The following MSH3 variants were observed in gnomAD, a reference collection of about 807,000 sequenced individuals.
MSH3 encodes the protein mutS homolog 3, also known as DNA mismatch repair protein Msh3.
A neutral mutation model predicts 123.3 loss-of-function variants in MSH3; 106 were observed. That is an observed-to-expected ratio of 0.86 (90% CI 0.73 to 1.01). The LOEUF (loss-of-function observed/expected upper bound fraction) is 1.01, where lower values mean the gene tolerates loss of function less well. Ranked by LOEUF, MSH3 falls within the 50% of genes least tolerant of loss-of-function variation. MSH3 has a pLI of 0.00. For synonymous variants in MSH3, 515 were observed against 481.4 expected (o/e 1.07, Z -0.91); for missense variants, 1,459 against 1,347.6 (o/e 1.08, Z -1.29).
At chr5:80,844,796 T>C (rs1745691702) in intron 20 of MSH3, among the ~76,000 whole-genome samples, 1 of 152,150 alleles carries the variant, frequency 6.6e-6, no homozygotes, top group African/African-American at 2.4e-5. Context: ...ATGTGTGTTT[T>C]TGCACGTGAG....
chr5:80,670,151 A>G lies in MSH3; in HGVS notation c.634A>G (p.Asn212Asp), dbSNP rs756439715. ...QFGSSNTSHE[N>D]LQKTASKSAN... ...TGGATCATCAAATACAAGTCATGAA[A>G]ATTTACAGAAAACTGCTTCCAAATC... Residue 212 changes from asparagine (N) to aspartate (D), a missense_variant, in exon 4 of 24, where the codon AAT becomes GAT. Physicochemically the swap from Asn to Asp is conservative, Grantham distance 23 (BLOSUM62 1). Coordinates refer to ENST00000265081, the MANE Select transcript of MSH3 (RefSeq NM_002439.5). The G allele has an allele frequency of 3.1e-6, 5 of 1,614,148 alleles. No individual in the cohort carries two copies. The South Asian group carries it at 4.4e-5, about 14-fold the overall frequency.
At position 80,692,032 on chromosome 5, in the gene MSH3, G is replaced by GTA. The variant is rs1561444547; in HGVS notation, c.1340+12941_1340+12942dup. ...ATGTATATGTTTAGATAGATAAACA[G>GTA]TATGTTTAGATAGATAAACATGTAT... On this transcript the variant is annotated intron_variant, in intron 8 of 23. Coordinates refer to ENST00000265081, the MANE Select transcript of MSH3 (RefSeq NM_002439.5). Among the ~76,000 whole-genome samples, 28 of 44,826 alleles carry GTA rather than the reference G, an allele frequency of 6.2e-4. 1 individual carries two copies. The highest frequency in any genetic ancestry group is 1.3e-3 in the East Asian group (2 of 1,596). The allele number at this position is 44,826 out of a possible 152,430, so 29.4% of individuals were successfully genotyped here.
chr5:80,774,530 T>G (rs1368238273), intron 15 of MSH3, among the ~76,000 whole-genome samples: 3 of 152,142 alleles, frequency 2.0e-5, no homozygotes, highest in Non-Finnish European at 4.4e-5. Flanking sequence ...TGCAGCACTA[T>G]TCACAACAGC....
intron 8 of MSH3, among the ~76,000 whole-genome samples, chr5:80,685,181 A>G (rs940697668): frequency 2.0e-5 from 3 of 149,458 alleles, no homozygotes; most frequent in Non-Finnish European, 3.0e-5. Context: ...GCCTCGTAGA[A>G]TGAGTTTGGA....
At chr5:80,751,586 G>T (rs1743840719) in intron 12 of MSH3, among the ~76,000 whole-genome samples, 1 of 152,172 alleles carries the variant, frequency 6.6e-6, no homozygotes, top group Non-Finnish European at 1.5e-5. Context: ...GCTTGTAGAT[G>T]TAGCTCCTTG....
chr5:80,796,709 T>C (rs544616433), intron 19 of MSH3, among the ~76,000 whole-genome samples: 17 of 152,238 alleles, frequency 1.1e-4, no homozygotes, highest in Non-Finnish European at 1.6e-4. Flanking sequence ...ATTATAGTGC[T>C]TCTGAATAAG....
rs373630611 is a variant in MSH3, at chr5:80,775,788, A to G, written c.2318+30A>G. On this transcript the variant is annotated intron_variant, in intron 16 of 23. Coordinates refer to ENST00000265081, the MANE Select transcript of MSH3 (RefSeq NM_002439.5). ...GTTTAAAATAAATTTTTTTCTTACAATGCATTATGATGACATCTGTATATC... is the reference window on the plus strand; with the variant it reads ...GTTTAAAATAAATTTTTTTCTTACAGTGCATTATGATGACATCTGTATATC... The G allele has an allele frequency of 1.7e-4, 198 of 1,191,924 alleles. No individual in the cohort carries two copies. The African/African-American group carries it at 2.1e-3, about 13-fold the overall frequency. 73.8% of individuals were successfully genotyped at this position (1,191,924 alleles called of 1,614,324 possible). A position where few individuals can be genotyped will look rare whatever the true frequency, so the allele number is the denominator to read the frequency against.
At position 80,654,851 on chromosome 5, in the gene MSH3, G is replaced by T. The variant is rs756968089; in HGVS notation, c.124G>T (p.Gly42Cys). The change falls in exon 1 of 24, where the codon GGT becomes TGT. Residue 42 changes from glycine to cysteine, a missense_variant. Coordinates refer to ENST00000265081, the MANE Select transcript of MSH3 (RefSeq NM_002439.5). ...GSLKSTSSST[G>C]AADQVDPGAA... ...CCTGAAATCCACCTCCTCCTCCACA[G>T]GTGCAGCCGACCAGGTGGACCCTGG... The T allele has an allele frequency of 1.9e-6, 3 of 1,605,288 alleles. No individual in the cohort carries two copies. In the East Asian group the frequency reaches 6.9e-5, roughly 37 times the overall value.
chr5:80,863,658 CA>C (rs1037828159), intron 21 of MSH3, among the ~76,000 whole-genome samples: 1,162 of 110,484 alleles, frequency 0.011, 14 homozygotes, highest in African/African-American at 0.03. Flanking sequence ...CACTCCGTCT[CA>C]AAAAAAAAAA....
At chr5:80,716,881 C>T (rs918952365) in intron 8 of MSH3, among the ~76,000 whole-genome samples, 12 of 152,166 alleles carry the variant, frequency 7.9e-5, no homozygotes, top group Non-Finnish European at 5.9e-5. Flanking sequence ...ACCTCCCTCC[C>T]CAAAGCTCTG....
intron 13 of MSH3, among the ~76,000 whole-genome samples, chr5:80,765,485 A>G (rs908450801): frequency 2.0e-5 from 3 of 152,080 alleles, no homozygotes; most frequent in African/African-American, 2.4e-5. Context: ...TTTTTTTTGC[A>G]TAATTCACCC....
At chr5:80,677,748 A>T (rs1749874652) in intron 7 of MSH3, among the ~76,000 whole-genome samples, 2 of 152,202 alleles carry the variant, frequency 1.3e-5, no homozygotes, top group Non-Finnish European at 2.9e-5. Flanking sequence ...ACAAATGTAA[A>T]TATAGTGTGT....
In MSH3 at chr5:80,678,950, G is replaced by C. The variant is rs766133817; in HGVS notation, c.1197G>C (p.Glu399Asp). Reference sequence around the variant, plus strand: ...AGGGAGTGCAGCCTGCCACAGGCGAGGTTGTGTTTGATAGTTTCCAGGACT... The same window carrying C: ...AGGGAGTGCAGCCTGCCACAGGCGACGTTGTGTTTGATAGTTTCCAGGACT... ...GIVGVQPATG[E>D]VVFDSFQDSA... The change falls in exon 8 of 24, where the codon GAG (glutamate) becomes GAC (aspartate). Residue 399 changes from glutamate (E) to aspartate (D), a missense_variant. Coordinates refer to ENST00000265081, the MANE Select transcript of MSH3 (RefSeq NM_002439.5). 1 of 1,614,134 alleles carries C rather than the reference G, an allele frequency of 6.2e-7. No individual in the cohort carries two copies. Among genetic ancestry groups the C allele is most frequent in the South Asian group, 1.1e-5 (1 of 91,078 alleles).
At chr5:80,871,200 G>A (rs1436858366) in intron 22 of MSH3, among the ~76,000 whole-genome samples, 4 of 152,180 alleles carry the variant, frequency 2.6e-5, no homozygotes, top group South Asian at 2.1e-4. Context: ...AGAACTCTGA[G>A]GCTAGAGTGG....
At chr5:80,851,165 A>G (rs1580089694) in intron 20 of MSH3, among the ~76,000 whole-genome samples, 1 of 152,090 alleles carries the variant, frequency 6.6e-6, no homozygotes, top group East Asian at 1.9e-4. Context: ...CATCAAGAAC[A>G]CATTTGTACA....
At chr5:80,837,836 G>C (rs1043803525) in intron 20 of MSH3, among the ~76,000 whole-genome samples, 7 of 152,154 alleles carry the variant, frequency 4.6e-5, no homozygotes, top group Admixed American at 4.6e-4. Flanking sequence ...TGGCCAGGGT[G>C]GGATTCTCAC....
At chr5:80,767,473 T>C (rs1744142330) in intron 13 of MSH3, among the ~76,000 whole-genome samples, 2 of 152,196 alleles carry the variant, frequency 1.3e-5, no homozygotes, top group Non-Finnish European at 2.9e-5. Flanking sequence ...ATGAAGATAA[T>C]CGTATACATA....
intron 8 of MSH3, among the ~76,000 whole-genome samples, chr5:80,696,848 T>A (rs978032621): frequency 6.6e-6 from 1 of 152,220 alleles, no homozygotes; most frequent in Non-Finnish European, 1.5e-5. Context: ...ATAATGCCAG[T>A]GTGCAAATTT....
chr5:80,786,525 C>T (rs1347361093), intron 17 of MSH3, among the ~76,000 whole-genome samples: 1 of 152,202 alleles, frequency 6.6e-6, no homozygotes, highest in African/African-American at 2.4e-5. Flanking sequence ...TGTGACTTAT[C>T]ACCACCTACT....
Sources: allele counts gnomAD v4.1 joint callset (sites outside exome capture counted in the v4.1 genomes callset), GRCh38; gene constraint gnomAD v4.1.1; transcripts MANE v1.5; gene names NCBI Gene and HGNC (gene_info 2026-07-23, HGNC 2026-07-21).